The following AMZ1 variants were observed in gnomAD, a reference collection of about 807,000 sequenced individuals.
AMZ1 encodes the protein archaemetzincin-1.
AMZ1 carries 39 observed loss-of-function variants against 29.9 expected under a neutral mutation model. The ratio of observed to expected loss-of-function variants is 1.30; its 90% CI spans 1.01 to 1.70. The LOEUF is 1.70. AMZ1 is among the 40% of genes most tolerant of loss of function. AMZ1 has a pLI of 0.00. For synonymous variants in AMZ1, 458 were observed against 304.0 expected, an observed-to-expected ratio of 1.51 and a Z score of -5.27; for missense variants, 1,041 against 680.6, an observed-to-expected ratio of 1.53 and a Z score of -5.89.
intron 4 of AMZ1, among the ~76,000 whole-genome samples, chr7:2,745,608 C>T (rs913531043): frequency 7.2e-5 from 11 of 152,186 alleles, no homozygotes; most frequent in African/African-American, 2.7e-4. Flanking sequence ...AAAACTGCAT[C>T]AACTAACGAG....
In AMZ1 at chr7:2,712,469, G is replaced by C; in HGVS notation, c.1088G>C (p.Ser363Thr). 1 of 1,610,892 alleles carries C rather than the reference G, an allele frequency of 6.2e-7. No individual in the cohort carries two copies. The highest frequency in any genetic ancestry group is 1.1e-5 in the South Asian group (1 of 90,962). ...GAGAGTGACTCGGAGCCCGGCACCA[G>C]TGTGTCGGAGCCCCTCACCCCTGAT... is the stretch of plus-strand genomic sequence containing the variant. ...CCESDSEPGT[S>T]VSEPLTPDAG... Residue 363 changes from serine to threonine, a missense_variant, in exon 7 of 7, where the codon AGT becomes ACT. Coordinates refer to ENST00000683327, the MANE Select transcript of AMZ1 (RefSeq NM_001384743.1).
intron 4 of AMZ1, chr7:2,728,518 T>G (rs1789724236): frequency 6.6e-6 from 1 of 152,484 alleles, no homozygotes; most frequent in African/African-American, 2.4e-5. Context: ...AAACCCTATA[T>G]GCGTCTTATG....
At position 2,702,738 on chromosome 7, in the gene AMZ1, G is replaced by A. The variant is rs144628575; in HGVS notation, c.321G>A (p.Pro107=). The change falls in exon 3 of 7, where the codon CCG becomes CCA. Residue 107 remains proline (P), a synonymous_variant. Coordinates refer to ENST00000683327, the MANE Select transcript of AMZ1 (RefSeq NM_001384743.1). The part of the protein sequence containing the change: ...YLQPIDLSEE[P]VGSSLLHQLC... ...TCCCACCAGACCTGAGCGAGGAGCC[G>A]GTGGGAAGCTCCCTGCTGCACCAGC... 706 of 1,536,408 alleles carry A rather than the reference G, an allele frequency of 4.6e-4. 6 individuals carry two copies. In the African/African-American group the frequency reaches 7.7e-3, roughly 17 times the overall value.
chr7:2,696,291 C>G (rs531629710), intron 1 of AMZ1, among the ~76,000 whole-genome samples: 24 of 141,538 alleles, frequency 1.7e-4, no homozygotes, highest in African/African-American at 4.5e-4. Flanking sequence ...GAGTCTCGCT[C>G]TGTCACCCAG....
At chr7:2,679,629 C>G (rs1322205371) in exon 1 of AMZ1, 1 of 152,314 alleles carries the variant, frequency 6.6e-6, no homozygotes, top group Non-Finnish European at 1.5e-5. Context: ...CCACTGCCCT[C>G]GTCCCCAGCC....
intron 1 of AMZ1, among the ~76,000 whole-genome samples, chr7:2,696,542 C>G (rs1047564819): frequency 6.7e-6 from 1 of 149,896 alleles, no homozygotes; most frequent in African/African-American, 2.4e-5. Context: ...CAGGCGTGAG[C>G]CACCGCACCT....
At chr7:2,755,576 A>T (rs745696128) in intron 4 of AMZ1, among the ~76,000 whole-genome samples, 17 of 152,190 alleles carry the variant, frequency 1.1e-4, no homozygotes, top group Non-Finnish European at 1.3e-4. Context: ...AGTAAAATTT[A>T]TATTTTGTAT....
At chr7:2,741,342 G>C (rs1161394905) in intron 4 of AMZ1, among the ~76,000 whole-genome samples, 1 of 152,154 alleles carries the variant, frequency 6.6e-6, no homozygotes, top group African/African-American at 2.4e-5. Context: ...GCAACAGAGT[G>C]AGACACTGTC....
chr7:2,705,307 C>A (rs771542574), intron 3 of AMZ1, among the ~76,000 whole-genome samples: 2 of 152,206 alleles, frequency 1.3e-5, no homozygotes, highest in African/African-American at 4.8e-5. Flanking sequence ...GCCCACTCCC[C>A]CACCCCAGAA....
At chr7:2,739,051 G>A (rs565452027) in intron 4 of AMZ1, among the ~76,000 whole-genome samples, 2 of 152,224 alleles carry the variant, frequency 1.3e-5, no homozygotes, top group Non-Finnish European at 2.9e-5. Flanking sequence ...CTCTACAACT[G>A]TAAGCTCAGG....
At chr7:2,701,735 C>T (rs1439471868) in intron 2 of AMZ1, among the ~76,000 whole-genome samples, 1 of 151,562 alleles carries the variant, frequency 6.6e-6, no homozygotes, top group Non-Finnish European at 1.5e-5. Flanking sequence ...GACAGCAAGC[C>T]AGAACAGGGC....
rs78369115 is a variant in AMZ1, at chr7:2,714,825, G to T, written c.*1947G>T. ...GGGGCATCTTCTTAGGAAGGCAGCT[G>T]CCATACCGTGAGGAAACCCGACAAA... is the stretch of plus-strand genomic sequence containing the variant. On this transcript the variant is annotated 3_prime_UTR_variant, in exon 7 of 7. Coordinates refer to ENST00000683327, the MANE Select transcript of AMZ1 (RefSeq NM_001384743.1). 6.6e-6 allele frequency: 1 copy of T among 152,288 alleles called. No individual in the cohort carries two copies. The highest frequency in any genetic ancestry group is 2.4e-5 in the African/African-American group (1 of 41,422). The allele number at this position is 152,288 out of a possible 1,614,324, so 9.4% of individuals were successfully genotyped here.
chr7:2,708,386 A>C (rs919777606), intron 3 of AMZ1, among the ~76,000 whole-genome samples: 4 of 151,898 alleles, frequency 2.6e-5, no homozygotes, highest in African/African-American at 9.7e-5. Flanking sequence ...CCATGTCCTG[A>C]TCTCCAAATG....
intron 1 of AMZ1, among the ~76,000 whole-genome samples, chr7:2,681,703 C>T (rs535019642): frequency 3.9e-5 from 6 of 152,230 alleles, no homozygotes; most frequent in Admixed American, 2.0e-4. Context: ...GTGCCTGGTC[C>T]GTGTGTCTTT....
rs1788000083 is a variant in AMZ1 at position 2,700,661 on chromosome 7, ACCCGAGGCT to A, written c.218_226del (p.Ala73_Glu75del). On this transcript the variant is annotated inframe_deletion, in exon 2 of 7. Transcript: ENST00000683327. ...CGGGCTTCGACTGGCTCCTGAGCCGACCCGAGGCTCCCGAGGACTTCCAGACCTTCCACG... is the reference window on the plus strand; with the variant it reads ...CGGGCTTCGACTGGCTCCTGAGCCGACCCGAGGACTTCCAGACCTTCCACG... The A allele has an allele frequency of 1.9e-6, 3 of 1,612,320 alleles. No individual in the cohort carries two copies. Among genetic ancestry groups the A allele is most frequent in the Middle Eastern group, 1.6e-4 (1 of 6,062 alleles).
downstream of AMZ1, among the ~76,000 whole-genome samples, chr7:2,721,646 G>T (rs917523841): frequency 4.6e-5 from 7 of 151,930 alleles, no homozygotes; most frequent in African/African-American, 1.7e-4. Flanking sequence ...AACCTGGGAG[G>T]TGGAGGTTGC....
At chr7:2,723,377 T>C (rs931532229), downstream of AMZ1, among the ~76,000 whole-genome samples, 2 of 152,226 alleles carry the variant, frequency 1.3e-5, no homozygotes, top group African/African-American at 4.8e-5. Flanking sequence ...TTCGTGTGAT[T>C]TCCAGATGCA....
At chr7:2,685,722 A>G (rs1787053343), upstream of AMZ1, among the ~76,000 whole-genome samples, 1 of 149,114 alleles carries the variant, frequency 6.7e-6, no homozygotes, top group Admixed American at 6.7e-5. Flanking sequence ...GCATGATGGC[A>G]GGCGCCTGTA....
chr7:2,762,692 C>T (rs1791619555), upstream of AMZ1: 1 of 1,579,678 alleles, frequency 6.3e-7, no homozygotes, highest in East Asian at 2.3e-5. Flanking sequence ...AACCACGCTG[C>T]CCGGGTGGAG....
Sources: gnomAD v4.1 joint callset for allele counts (sites outside exome capture counted in the v4.1 genomes callset) on GRCh38, gnomAD v4.1.1 for gene constraint, MANE v1.5 for transcripts, NCBI Gene and HGNC (gene_info 2026-07-23, HGNC 2026-07-21) for gene names.